RPL24: variants seen among roughly 807,000 people sequenced by gnomAD.
RPL24 encodes large ribosomal subunit protein eL24.
RPL24 carries 7 observed loss-of-function variants against 26.4 expected under a neutral mutation model. That is an observed-to-expected ratio of 0.27 (90% confidence interval 0.15 to 0.50). RPL24 has a LOEUF of 0.50. Ranked by LOEUF, RPL24 falls within the 20% of genes least tolerant of loss-of-function variation. The pLI is 0.98. For missense variants in RPL24, 109 were observed against 194.9 expected, an observed-to-expected ratio of 0.56 and a Z score of 2.62; for synonymous variants, 67 against 65.2, an observed-to-expected ratio of 1.03 and a Z score of -0.13.
In RPL24 at chr3:101,681,124, A is replaced by C; in HGVS notation, c.*11T>G. 1.3e-6 allele frequency: 2 copies of C among 1,590,556 alleles called. No individual in the cohort carries two copies. Among genetic ancestry groups the C allele is most frequent in the Non-Finnish European group, 1.7e-6 (2 of 1,159,194 alleles). The stretch of plus-strand genomic sequence containing the variant: ...TAATCCAATCTTTATTTAAAAATCT[A>C]ATCTGCCAGTTTAGCGTTTTCCACC... On this transcript the variant is annotated 3_prime_UTR_variant, in exon 6 of 6. Coordinates refer to ENST00000394077, the MANE Select transcript of RPL24 (RefSeq NM_000986.4).
chr3:101,684,216 G>T (rs75708752), intron 3 of RPL24, among the ~76,000 whole-genome samples: 38 of 150,532 alleles, frequency 2.5e-4, no homozygotes, highest in African/African-American at 8.8e-4. Context: ...CCAGGGTGGA[G>T]TGCAGTGGCA....
intron 5 of RPL24, 108 bp downstream of exon 5, chr3:101,682,321 A>C (rs375398521): frequency 4.6e-6 from 4 of 861,848 alleles, no homozygotes; most frequent in Non-Finnish European, 7.9e-6. Flanking sequence ...AGCTGAGATC[A>C]GATCACGCCA....
rs201843063 is a variant in RPL24 at position 101,686,661 on chromosome 3, G to A, written c.5+11C>T. 1,026 of 1,614,232 alleles carry A rather than the reference G, an allele frequency of 6.4e-4. 3 individuals carry two copies. Among genetic ancestry groups the A allele is most frequent in the Non-Finnish European group, 7.7e-4 (904 of 1,180,008 alleles). On this transcript the variant is annotated intron_variant, in intron 1 of 5. Coordinates refer to ENST00000394077, the MANE Select transcript of RPL24 (RefSeq NM_000986.4). ...GATGTAAGCGGATTGGGAACCACGG[G>A]TCGTGCTTACTTCATGGCGACAGCT...
chr3:101,681,344 A>G (rs553995205), intron 5 of RPL24, 129 bp from the exon 6 acceptor site: 25 of 673,214 alleles, frequency 3.7e-5, no homozygotes, highest in African/African-American at 2.7e-4. Flanking sequence ...CCTAATGCCA[A>G]TCTTTTAATG....
intron 3 of RPL24, among the ~76,000 whole-genome samples, chr3:101,684,469 C>A (rs1937305002): frequency 3.3e-5 from 5 of 152,074 alleles, no homozygotes; most frequent in Admixed American, 3.3e-4. Flanking sequence ...CATGCCCAGC[C>A]TCATTTTAAC....
At chr3:101,686,432 T>A (rs1235201405) in intron 2 of RPL24, 50 bp downstream of exon 2, 1 of 1,540,920 alleles carries the variant, frequency 6.5e-7, no homozygotes, top group East Asian at 2.3e-5. Context: ...TAAACCAGCC[T>A]TTCCTCCTCG....
chr3:101,682,259 G>C (rs538962961), intron 5 of RPL24, 170 bp downstream of exon 5: 5 of 620,696 alleles, frequency 8.1e-6, no homozygotes, highest in South Asian at 3.8e-5. Flanking sequence ...CCAGCTACTC[G>C]GGAGGCTGAG....
Position 101,686,679 on chromosome 3 carries a change from C to A in RPL24, c.-3G>T, listed in dbSNP as rs781265863. 6.2e-7 allele frequency: 1 copy of A among 1,614,186 alleles called. No individual in the cohort carries two copies. Among genetic ancestry groups the A allele is most frequent in the Non-Finnish European group, 8.5e-7 (1 of 1,180,032 alleles). On this transcript the variant is annotated 5_prime_UTR_variant, in exon 1 of 6. Transcript: ENST00000394077. The stretch of plus-strand genomic sequence containing the variant: ...ACCACGGGTCGTGCTTACTTCATGG[C>A]GACAGCTCCACGGAAAGACAAAAGA...
At chr3:101,684,786 A>ACCC (rs1937311572) in intron 3 of RPL24, among the ~76,000 whole-genome samples, 1 of 39,946 alleles carries the variant, frequency 2.5e-5, no homozygotes, top group African/African-American at 6.4e-5. Context: ...CAAAAAAAAA[A>ACCC]AAAAAAAAAA....
chr3:101,683,331 G>A (rs553647574), intron 3 of RPL24, among the ~76,000 whole-genome samples: 1 of 152,144 alleles, frequency 6.6e-6, no homozygotes, highest in African/African-American at 2.4e-5. Flanking sequence ...TGTCTGAGAA[G>A]GTATTGTGGA....
At position 101,686,254 on chromosome 3, in the gene RPL24, C is replaced by T. The variant is rs1216451352; in HGVS notation, c.81+228G>A. 6 of 586,706 alleles carry T rather than the reference C, an allele frequency of 1.0e-5. No homozygotes were observed. In the Admixed American group the frequency reaches 1.8e-4, roughly 18 times the overall value. 36.3% of individuals were successfully genotyped at this position (586,706 alleles called of 1,614,324 possible). On this transcript the variant is annotated intron_variant, in intron 2 of 5. Coordinates refer to ENST00000394077, the MANE Select transcript of RPL24 (RefSeq NM_000986.4). Reference sequence around the variant, plus strand: ...CGTACCTCAGTTATTTCCCTTACACCGGGACATCAGTTACATAAACCCCTC... The same window carrying T: ...CGTACCTCAGTTATTTCCCTTACACTGGGACATCAGTTACATAAACCCCTC...
chr3:101,685,923 G>C lies in RPL24; in HGVS notation c.87C>G (p.Phe29Leu), dbSNP rs754792879. ...RRYARTDGKV[F>L]QFLNAKCESA... is the part of the protein sequence containing the mutation. ...ACTCGCATTTCGCATTAAGAAACTG[G>C]AAAACCTAGAGTGACAAATGCAAAG... The change falls in exon 3 of 6, where the codon TTC becomes TTG. Residue 29 changes from phenylalanine to leucine, a missense_variant. Around this residue, in one of 3 missense-constraint regions of RPL24, gnomAD observed 69 missense variants for 96.2 expected, o/e 0.72. Transcript: ENST00000394077. 6.2e-7 allele frequency: 1 copy of C among 1,606,086 alleles called. No individual in the cohort carries two copies. The highest frequency in any genetic ancestry group is 2.2e-5 in the East Asian group (1 of 44,854).
rs142916542 is a variant in RPL24, at chr3:101,686,253, C to A, written c.81+229G>T. The A allele has an allele frequency of 4.3e-4, 253 of 588,010 alleles. 1 individual carries two copies. Among genetic ancestry groups the A allele is most frequent in the African/African-American group, 4.3e-3 (229 of 53,800 alleles). 36.4% of individuals were successfully genotyped at this position (588,010 alleles called of 1,614,324 possible). On this transcript the variant is annotated intron_variant, in intron 2 of 5. Coordinates refer to ENST00000394077, the MANE Select transcript of RPL24 (RefSeq NM_000986.4). ...CCGTACCTCAGTTATTTCCCTTACACCGGGACATCAGTTACATAAACCCCT... is the reference window on the plus strand; with the variant it reads ...CCGTACCTCAGTTATTTCCCTTACAACGGGACATCAGTTACATAAACCCCT...
rs547692082 is a variant in RPL24, at chr3:101,682,789, T to C, written c.311A>G (p.Gln104Arg). 1 of 1,613,120 alleles carries C rather than the reference T, an allele frequency of 6.2e-7. No homozygotes were observed. Among genetic ancestry groups the C allele is most frequent in the Non-Finnish European group, 8.5e-7 (1 of 1,179,834 alleles). The stretch of plus-strand genomic sequence containing the variant: ...TCCTCACCTGATAGCTTGTTCTCGT[T>C]GAGCCTTTCTAACTTCAGGTTTCTG... ...RNQKPEVRKA[Q>R]REQAIRAAKE... The change falls in exon 4 of 6, where the codon CAA (glutamine) becomes CGA (arginine). Residue 104 changes from glutamine (Q) to arginine (R), a missense_variant. Gln to Arg is a conservative substitution (Grantham distance 43). Coordinates refer to ENST00000394077, the MANE Select transcript of RPL24 (RefSeq NM_000986.4).
In RPL24 at chr3:101,682,780, T is replaced by A; in HGVS notation, c.320A>T (p.Gln107Leu). 6.2e-7 allele frequency: 1 copy of A among 1,612,890 alleles called. No individual in the cohort carries two copies. The highest frequency in any genetic ancestry group is 8.5e-7 in the Non-Finnish European group (1 of 1,179,814). ...TGAAAGCATTCCTCACCTGATAGCT[T>A]GTTCTCGTTGAGCCTTTCTAACTTC... ...KPEVRKAQREQAIRAAKEAKK... is the reference protein window; with the variant it reads ...KPEVRKAQRELAIRAAKEAKK... Residue 107 changes from glutamine to leucine, a missense_variant, in exon 4 of 6, where the codon CAA (glutamine) becomes CTA (leucine). Coordinates refer to ENST00000394077, the MANE Select transcript of RPL24 (RefSeq NM_000986.4).
At chr3:101,684,043 T>C (rs1036614447) in intron 3 of RPL24, among the ~76,000 whole-genome samples, 2 of 151,696 alleles carry the variant, frequency 1.3e-5, no homozygotes, top group African/African-American at 4.8e-5. Flanking sequence ...GAAACTGGGG[T>C]CTTCACTACT....
chr3:101,682,786 C>T lies in RPL24; in HGVS notation c.314G>A (p.Arg105Gln). ...NQKPEVRKAQ[R>Q]EQAIRAAKEA... ...CATTCCTCACCTGATAGCTTGTTCT[C>T]GTTGAGCCTTTCTAACTTCAGGTTT... Residue 105 changes from arginine to glutamine, a missense_variant, in exon 4 of 6, where the codon CGA becomes CAA. Arg to Gln is a conservative substitution (Grantham distance 43). Around this residue, in one of 3 missense-constraint regions of RPL24, gnomAD observed 39 missense variants for 80.3 expected, o/e 0.49. Coordinates refer to ENST00000394077, the MANE Select transcript of RPL24 (RefSeq NM_000986.4). 6.2e-7 allele frequency: 1 copy of T among 1,612,988 alleles called. No individual in the cohort carries two copies. Among genetic ancestry groups the T allele is most frequent in the South Asian group, 1.1e-5 (1 of 91,040 alleles).
chr3:101,681,301 CT>C, intron 5 of RPL24, 86 bp from the exon 6 acceptor site: 1 of 874,408 alleles, frequency 1.1e-6, no homozygotes, highest in African/African-American at 1.7e-5. Context: ...GTTTATGTAG[CT>C]TAGATCACTT....
Position 101,684,776 on chromosome 3 carries a change from C to CAAAAAAAAAAAAAAAA in RPL24, c.192+1026_192+1041dup, listed in dbSNP as rs57278210. On this transcript the variant is annotated intron_variant, in intron 3 of 5. Transcript: ENST00000394077. ...CTGAGCAACAGAGGACCTGTCTCCC[C>CAAAAAAAAAAAAAAAA]AAAAAAAAAAAAAAAAAAAAAAAAA... 1.6e-3 allele frequency among the ~76,000 whole-genome samples: 84 copies of CAAAAAAAAAAAAAAAA among 53,212 alleles called. 9 individuals carry two copies. Among genetic ancestry groups the CAAAAAAAAAAAAAAAA allele is most frequent in the Admixed American group, 2.6e-3 (9 of 3,522 alleles). The allele number at this position is 53,212 out of a possible 152,430, so 34.9% of individuals were successfully genotyped here. A position where few individuals can be genotyped will look rare whatever the true frequency, so the allele number is the denominator to read the frequency against.
Sources: allele counts gnomAD v4.1 joint callset (sites outside exome capture counted in the v4.1 genomes callset), GRCh38; gene constraint gnomAD v4.1.1; regional missense constraint gnomAD v4.1.1; transcripts MANE v1.5; gene names NCBI Gene and HGNC (gene_info 2026-07-23, HGNC 2026-07-21).